ARHGAP26: variants seen among roughly 807,000 people sequenced by gnomAD.
The protein encoded by ARHGAP26 is Rho GTPase activating protein 26.
ARHGAP26 carries 38 observed loss-of-function variants against 104.8 expected under a neutral mutation model. The observed-to-expected ratio is 0.36, with a 90% CI of 0.28 to 0.48. The LOEUF (loss-of-function observed/expected upper bound fraction) is 0.48, where lower values mean the gene tolerates loss of function less well. Ranked by LOEUF, ARHGAP26 falls within the 20% of genes least tolerant of loss-of-function variation. The pLI is 0.99. For synonymous variants in ARHGAP26, 341 were observed against 340.0 expected (o/e 1.00, Z -0.03); for missense variants, 704 against 947.9 (o/e 0.74, Z 3.38).
At chr5:142,918,038 A>C (rs531319176) in intron 10 of ARHGAP26, among the ~76,000 whole-genome samples, 1 of 152,346 alleles carries the variant, frequency 6.6e-6, no homozygotes, top group Non-Finnish European at 1.5e-5. Context: ...ACAACGAATG[A>C]ACTGAAAATC....
At chr5:142,792,487 A>G (rs1157664600) in intron 1 of ARHGAP26, among the ~76,000 whole-genome samples, 1 of 152,220 alleles carries the variant, frequency 6.6e-6, no homozygotes, top group East Asian at 1.9e-4. Context: ...TTTTGCTCAC[A>G]CAGATGCCCT....
In ARHGAP26 at chr5:142,963,168, ATATG is replaced by A. The variant is rs1562164169; in HGVS notation, c.1107+31047_1107+31050del. Reference sequence around the variant, plus strand: ...ATGGCTGTGTAGTATTCCATGGTATATATGTATATATATATATATATATATATAT... The same window carrying A: ...ATGGCTGTGTAGTATTCCATGGTATATATATATATATATATATATATATAT... On this transcript the variant is annotated intron_variant, in intron 11 of 22. Coordinates refer to ENST00000645722, the MANE Select transcript of ARHGAP26 (RefSeq NM_001135608.3). Among the ~76,000 whole-genome samples the A allele has an allele frequency of 4.5e-3, 271 of 60,356 alleles. 23 individuals are homozygous for A. Among genetic ancestry groups the A allele is most frequent in the African/African-American group, 0.028 (246 of 8,702 alleles). The allele number at this position is 60,356 out of a possible 152,430, so 39.6% of individuals were successfully genotyped here. A position where few individuals can be genotyped will look rare whatever the true frequency, so the allele number is the denominator to read the frequency against.
intron 17 of ARHGAP26, among the ~76,000 whole-genome samples, chr5:143,060,281 C>T (rs1032384956): frequency 2.0e-5 from 3 of 152,162 alleles, no homozygotes; most frequent in Non-Finnish European, 4.4e-5. Context: ...TTACTGTTTG[C>T]CTTGTGCATC....
chr5:143,156,846 C>A (rs917662716), intron 20 of ARHGAP26, among the ~76,000 whole-genome samples: 5 of 152,234 alleles, frequency 3.3e-5, no homozygotes, highest in African/African-American at 1.2e-4. Flanking sequence ...CCTATTAGCT[C>A]ACCAGGGCTG....
chr5:143,131,219 G>A (rs1043989262), intron 18 of ARHGAP26, among the ~76,000 whole-genome samples: 4 of 152,132 alleles, frequency 2.6e-5, no homozygotes, highest in Admixed American at 2.0e-4. Flanking sequence ...AATTTTTCAC[G>A]CATCTGTCTA....
At chr5:143,063,005 TGCCTTCCCTCA>T (rs1277101128) in intron 17 of ARHGAP26, among the ~76,000 whole-genome samples, 1 of 152,252 alleles carries the variant, frequency 6.6e-6, no homozygotes, top group Admixed American at 6.5e-5. Context: ...TTTCTCTGGC[TGCCTTCCCTCA>T]GCCATACACC....
At chr5:142,841,889 A>G (rs1267417667) in intron 1 of ARHGAP26, among the ~76,000 whole-genome samples, 1 of 152,118 alleles carries the variant, frequency 6.6e-6, no homozygotes, top group East Asian at 1.9e-4. Context: ...TCACATGTTC[A>G]TTGTGGCTAC....
chr5:142,905,275 G>A (rs385670), intron 8 of ARHGAP26, among the ~76,000 whole-genome samples: 69,398 of 152,044 alleles, frequency 0.46, 18,892 homozygotes, highest in East Asian at 0.91. Flanking sequence ...GCACTCTCAT[G>A]TCACACACTT....
chr5:142,939,610 A>G (rs1765948734), intron 11 of ARHGAP26, among the ~76,000 whole-genome samples: 1 of 152,236 alleles, frequency 6.6e-6, no homozygotes, highest in African/African-American at 2.4e-5. Flanking sequence ...TTTAAAGGGA[A>G]AAGTAAGATT....
In ARHGAP26 at chr5:143,034,782, C is replaced by G. The variant is rs369127891; in HGVS notation, c.1145-2414C>G. On this transcript the variant is annotated intron_variant, in intron 12 of 22. Transcript: ENST00000645722. ...TTATTTAAAAAAAAAAAATTCCTCC[C>G]CTGGATTCCAACAGGTATTTGGCCT... Among the ~76,000 whole-genome samples, 16 of 152,174 alleles carry G rather than the reference C, an allele frequency of 1.1e-4. 1 individual carries two copies. The highest frequency in any genetic ancestry group is 3.9e-4 in the African/African-American group (16 of 41,524).
At chr5:143,184,022 AAT>A (rs1804785429) in intron 20 of ARHGAP26, among the ~76,000 whole-genome samples, 1 of 152,184 alleles carries the variant, frequency 6.6e-6, no homozygotes, top group Non-Finnish European at 1.5e-5. Flanking sequence ...CTGACCCTTG[AAT>A]AAAGGGGTAA....
intron 5 of ARHGAP26, among the ~76,000 whole-genome samples, chr5:142,890,183 T>C (rs1438813359): frequency 5.2e-4 from 58 of 112,620 alleles, no homozygotes; most frequent in African/African-American, 1.9e-3. Flanking sequence ...TATATATATA[T>C]ATATATATAT....
Position 142,803,888 on chromosome 5 carries a change from A to G in ARHGAP26, c.154+32973A>G, listed in dbSNP as rs144571196. Reference sequence around the variant, plus strand: ...CTGGTCCTTGATCACTGAGGAGTGTATAGTTCCAGAGAGGGATAGGACCAG... The same window carrying G: ...CTGGTCCTTGATCACTGAGGAGTGTGTAGTTCCAGAGAGGGATAGGACCAG... On this transcript the variant is annotated intron_variant, in intron 1 of 22. Coordinates refer to ENST00000645722, the MANE Select transcript of ARHGAP26 (RefSeq NM_001135608.3). Among the ~76,000 whole-genome samples, 21 of 152,368 alleles carry G rather than the reference A, an allele frequency of 1.4e-4. No homozygotes were observed. The East Asian group carries it at 3.3e-3, about 24-fold the overall frequency.
At chr5:143,076,159 ATTT>A (rs368079758) in intron 17 of ARHGAP26, among the ~76,000 whole-genome samples, 49 of 109,978 alleles carry the variant, frequency 4.5e-4, no homozygotes, top group African/African-American at 1.4e-3. Flanking sequence ...GACCTGGCTA[ATTT>A]TTTTTTTTTT....
chr5:143,085,440 C>A (rs1306816994), intron 17 of ARHGAP26, among the ~76,000 whole-genome samples: 1 of 151,904 alleles, frequency 6.6e-6, no homozygotes, highest in African/African-American at 2.4e-5. Flanking sequence ...GAAGAGAGTT[C>A]CAGTTAATGG....
intron 1 of ARHGAP26, among the ~76,000 whole-genome samples, chr5:142,788,518 C>T (rs944490266): frequency 2.0e-5 from 3 of 152,186 alleles, no homozygotes; most frequent in East Asian, 1.9e-4. Context: ...GTGGGTTCCT[C>T]ATCTGGGGAT....
chr5:143,046,758 T>C (rs1413576228), intron 14 of ARHGAP26, among the ~76,000 whole-genome samples: 1 of 152,220 alleles, frequency 6.6e-6, no homozygotes, highest in Non-Finnish European at 1.5e-5. Flanking sequence ...TATGTCTATC[T>C]CTCTTCCTGT....
intron 20 of ARHGAP26, chr5:143,166,230 G>A (rs758017859): frequency 1.0e-4 from 51 of 491,998 alleles, no homozygotes; most frequent in Non-Finnish European, 1.4e-4. Flanking sequence ...CTGAGTAGCC[G>A]GAAGAGCCCA....
intron 3 of ARHGAP26, 99 bp from the exon 4 acceptor site, chr5:142,879,275 T>G: frequency 9.0e-7 from 1 of 1,113,628 alleles, no homozygotes; most frequent in Non-Finnish European, 1.4e-6. Flanking sequence ...CCAAATTTTA[T>G]TTTAAGACAT....
Sources: gnomAD v4.1 joint callset for allele counts (sites outside exome capture counted in the v4.1 genomes callset) on GRCh38, gnomAD v4.1.1 for gene constraint, MANE v1.5 for transcripts, NCBI Gene and HGNC (gene_info 2026-07-23, HGNC 2026-07-21) for gene names.